DIO2: variants seen among roughly 807,000 people sequenced by gnomAD.
DIO2 encodes iodothyronine deiodinase 2.
Under a neutral mutation model 21.4 loss-of-function variants are expected in DIO2, and 19 were observed. The ratio of observed to expected loss-of-function variants is 0.89; its 90% confidence interval spans 0.62 to 1.30. The LOEUF (loss-of-function observed/expected upper bound fraction) is 1.30, where lower values mean the gene tolerates loss of function less well. Ranked by LOEUF, DIO2 falls within the 50% of genes most tolerant of loss-of-function variation. The pLI, the probability that DIO2 is intolerant of heterozygous loss-of-function variation, is 0.00. For synonymous variants in DIO2, 122 were observed against 132.9 expected (o/e 0.92, Z 0.57); for missense variants, 302 against 338.1 (o/e 0.89, Z 0.84).
chr14:80,206,394 GA>G, intron 1 of DIO2: 1 of 950,852 alleles, frequency 1.1e-6, no homozygotes, highest in Non-Finnish European at 1.6e-6. Flanking sequence ...TAACCTAAAA[GA>G]AAATATTCTA....
upstream of DIO2, among the ~76,000 whole-genome samples, chr14:80,213,659 G>C (rs367647511): frequency 2.0e-5 from 3 of 152,228 alleles, no homozygotes; most frequent in South Asian, 6.2e-4. Context: ...CATTGAGGAC[G>C]TCCTGAATGA....
rs971169316 is a variant in DIO2 at position 80,198,381 on chromosome 14, T to A, written c.*4308A>T. On this transcript the variant is annotated 3_prime_UTR_variant, in exon 2 of 2. Coordinates refer to ENST00000438257, the MANE Select transcript of DIO2 (RefSeq NM_013989.5). The stretch of plus-strand genomic sequence containing the variant: ...GCTGGGTCTGTTAAGTCTGAGACCT[T>A]GCTTCTGGTACTATACACATAGGGC... The A allele has an allele frequency of 6.6e-6, 1 of 152,660 alleles. No homozygotes were observed. The highest frequency in any genetic ancestry group is 6.5e-5 in the Admixed American group (1 of 15,282). The allele number at this position is 152,660 out of a possible 1,614,324, so 9.5% of individuals were successfully genotyped here. A position where few individuals can be genotyped will look rare whatever the true frequency, so the allele number is the denominator to read the frequency against.
At position 80,198,537 on chromosome 14, in the gene DIO2, C is replaced by G. The variant is rs1276763574; in HGVS notation, c.*4152G>C. The G allele has an allele frequency of 6.6e-6, 1 of 152,340 alleles. No individual in the cohort carries two copies. Among genetic ancestry groups the G allele is most frequent in the Non-Finnish European group, 1.5e-5 (1 of 68,038 alleles). The allele number at this position is 152,340 out of a possible 1,614,324, so 9.4% of individuals were successfully genotyped here. A position where few individuals can be genotyped will look rare whatever the true frequency, so the allele number is the denominator to read the frequency against. On this transcript the variant is annotated 3_prime_UTR_variant, in exon 2 of 2. Transcript: ENST00000438257. ...GATTGGTAGACCAAGCCCTCAGGGC[C>G]TTGTTCTTCCCAGTTAGCAACTTTC...
At chr14:80,205,846 G>T in intron 1 of DIO2, 1 of 540,088 alleles carries the variant, frequency 1.9e-6, no homozygotes, top group Non-Finnish European at 2.7e-6. Flanking sequence ...TTTATTGAAT[G>T]AATGCTAGTT....
At chr14:80,209,153 T>C (rs749935076) in intron 1 of DIO2, among the ~76,000 whole-genome samples, 1 of 152,202 alleles carries the variant, frequency 6.6e-6, no homozygotes, top group Non-Finnish European at 1.5e-5. Context: ...ATAAACTTTA[T>C]TGAAGACGTA....
intron 1 of DIO2, 84 bp downstream of exon 1, chr14:80,211,167 A>G: frequency 7.5e-7 from 1 of 1,324,746 alleles, no homozygotes; most frequent in South Asian, 1.3e-5. Context: ...CTCTCCCCCC[A>G]ATGCTCCCAA....
chr14:80,213,515 G>C (rs139628438), upstream of DIO2, among the ~76,000 whole-genome samples: 1 of 152,106 alleles, frequency 6.6e-6, no homozygotes, highest in Non-Finnish European at 1.5e-5. Context: ...TGGTTGGCAG[G>C]TTGCTTTTTT....
chr14:80,225,032 G>A (rs1888544040), intron 2 of DIO2, among the ~76,000 whole-genome samples: 1 of 152,164 alleles, frequency 6.6e-6, no homozygotes, highest in Non-Finnish European at 1.5e-5. Flanking sequence ...AGTCTGGGAG[G>A]CTAGGCCAGT....
rs1887616493 is a variant in DIO2 at position 80,199,285 on chromosome 14, C to T, written c.*3404G>A. 6.6e-6 allele frequency: 1 copy of T among 152,162 alleles called. No individual in the cohort carries two copies. The highest frequency in any genetic ancestry group is 1.5e-5 in the Non-Finnish European group (1 of 68,040). 9.4% of individuals were successfully genotyped at this position (152,162 alleles called of 1,614,324 possible). A position where few individuals can be genotyped will look rare whatever the true frequency, so the allele number is the denominator to read the frequency against. Reference sequence around the variant, plus strand: ...AATGAAAGACAATAGGCTATTCTTCCCACTGTGATGAGAGAATAAGCACTT... The same window carrying T: ...AATGAAAGACAATAGGCTATTCTTCTCACTGTGATGAGAGAATAAGCACTT... On this transcript the variant is annotated 3_prime_UTR_variant, in exon 2 of 2. Coordinates refer to ENST00000438257, the MANE Select transcript of DIO2 (RefSeq NM_013989.5).
At chr14:80,218,241 A>AC (rs1431422495) in intron 2 of DIO2, among the ~76,000 whole-genome samples, 1 of 152,094 alleles carries the variant, frequency 6.6e-6, no homozygotes, top group Non-Finnish European at 1.5e-5. Flanking sequence ...AAACAAACAA[A>AC]AAAAAAACAG....
At chr14:80,206,250 G>T in intron 1 of DIO2, 1 of 1,565,750 alleles carries the variant, frequency 6.4e-7, no homozygotes, top group Non-Finnish European at 8.6e-7. Context: ...ATCCAAATGT[G>T]AGTAGACCAG....
upstream of DIO2, chr14:80,212,049 C>T (rs2140010735): frequency 6.8e-6 from 1 of 147,510 alleles, no homozygotes; most frequent in African/African-American, 2.5e-5. Flanking sequence ...GTTTTACACA[C>T]ACTTTCTGTG....
At chr14:80,224,696 A>C (rs981883123) in intron 2 of DIO2, among the ~76,000 whole-genome samples, 1 of 152,176 alleles carries the variant, frequency 6.6e-6, no homozygotes, top group Non-Finnish European at 1.5e-5. Flanking sequence ...GCCACAGGAA[A>C]CTCATACAGG....
intron 1 of DIO2, 73 bp downstream of exon 1, chr14:80,211,178 T>C (rs977065326): frequency 5.6e-6 from 8 of 1,428,666 alleles, no homozygotes; most frequent in East Asian, 4.7e-5. Flanking sequence ...ATGCTCCCAA[T>C]GGCCTCTGGT....
chr14:80,206,159 C>T, intron 1 of DIO2: 1 of 973,614 alleles, frequency 1.0e-6, no homozygotes, highest in Non-Finnish European at 1.5e-6. Flanking sequence ...CATGAAGGTG[C>T]CTAGGCAAGA....
chr14:80,226,943 A>G (rs780301002), intron 2 of DIO2, among the ~76,000 whole-genome samples: 4 of 152,186 alleles, frequency 2.6e-5, no homozygotes, highest in Admixed American at 1.3e-4. Flanking sequence ...CAATTTTCCA[A>G]TCATCCTTCT....
chr14:80,218,911 G>C (rs541768032), intron 2 of DIO2, among the ~76,000 whole-genome samples: 1 of 152,290 alleles, frequency 6.6e-6, no homozygotes, highest in South Asian at 2.1e-4. Flanking sequence ...CCAGGAGGCA[G>C]AGGTTGCAGT....
At chr14:80,228,109 C>T (rs1402188545) in intron 2 of DIO2, among the ~76,000 whole-genome samples, 3 of 152,232 alleles carry the variant, frequency 2.0e-5, no homozygotes, top group Non-Finnish European at 4.4e-5. Flanking sequence ...ATAATGTCAT[C>T]AGTGTAATGG....
chr14:80,206,742 C>T (rs1267795685), intron 1 of DIO2, among the ~76,000 whole-genome samples: 1 of 152,144 alleles, frequency 6.6e-6, no homozygotes, highest in African/African-American at 2.4e-5. Flanking sequence ...AAAGTCTGGC[C>T]ACAAGTTACC....
Sources: gnomAD v4.1 joint callset for allele counts (sites outside exome capture counted in the v4.1 genomes callset) on GRCh38, gnomAD v4.1.1 for gene constraint, MANE v1.5 for transcripts, NCBI Gene and HGNC (gene_info 2026-07-23, HGNC 2026-07-21) for gene names.